Variants in RBFOX1 observed in about 807,000 individuals in gnomAD.
RBFOX1 encodes the protein RNA binding protein fox-1 homolog 1.
RBFOX1 carries 8 observed loss-of-function variants against 57.7 expected under a neutral mutation model. The observed-to-expected ratio is 0.14, with a 90% confidence interval of 0.08 to 0.25. The LOEUF is 0.25. RBFOX1 is among the 10% of genes least tolerant of loss of function. The probability of loss-of-function intolerance (pLI) is 1.00; values close to 1 mark genes in which losing one functional copy is unlikely to be tolerated. For synonymous variants in RBFOX1, 326 were observed against 222.4 expected, an observed-to-expected ratio of 1.47 and a Z score of -4.15; for missense variants, 611 against 548.5, an observed-to-expected ratio of 1.11 and a Z score of -1.14.
At chr16:6,250,920 T>C (rs1371281170) in intron 1 of RBFOX1, among the ~76,000 whole-genome samples, 1 of 152,122 alleles carries the variant, frequency 6.6e-6, no homozygotes, top group South Asian at 2.1e-4. Context: ...CTTCCATTAG[T>C]GTAGATAATT....
intron 4 of RBFOX1, among the ~76,000 whole-genome samples, chr16:7,386,151 C>G (rs1237633322): frequency 6.6e-6 from 1 of 151,918 alleles, no homozygotes; most frequent in Non-Finnish European, 1.5e-5. Flanking sequence ...TTTGAGATCC[C>G]AACAGCCTCA....
intron 4 of RBFOX1, among the ~76,000 whole-genome samples, chr16:7,237,563 C>G (rs1039457425): frequency 6.6e-6 from 1 of 152,174 alleles, no homozygotes; most frequent in East Asian, 1.9e-4. Flanking sequence ...TAGATTTGGA[C>G]CAACTGGCTT....
At chr16:5,941,082 C>G (rs561424680) in intron 4 of RBFOX1, among the ~76,000 whole-genome samples, 2 of 152,170 alleles carry the variant, frequency 1.3e-5, no homozygotes, top group African/African-American at 4.8e-5. Flanking sequence ...AACACATTGC[C>G]TGGGATACAC....
At chr16:7,396,674 T>G (rs1002747009) in intron 4 of RBFOX1, among the ~76,000 whole-genome samples, 2 of 152,200 alleles carry the variant, frequency 1.3e-5, no homozygotes, top group Non-Finnish European at 2.9e-5. Context: ...GAGTGGTGAC[T>G]TACACCTGTA....
At chr16:7,321,902 T>C (rs1490001935) in intron 4 of RBFOX1, among the ~76,000 whole-genome samples, 2 of 152,132 alleles carry the variant, frequency 1.3e-5, no homozygotes, top group Non-Finnish European at 2.9e-5. Context: ...AGAGAGACCA[T>C]CTTGCAGCAG....
At chr16:6,164,159 C>G (rs2096899144) in intron 1 of RBFOX1, among the ~76,000 whole-genome samples, 1 of 152,134 alleles carries the variant, frequency 6.6e-6, no homozygotes, top group African/African-American at 2.4e-5. Context: ...TAATCATCAT[C>G]CAAAGACTAC....
chr16:6,990,993 T>C (rs1039308431), intron 3 of RBFOX1, among the ~76,000 whole-genome samples: 1 of 151,992 alleles, frequency 6.6e-6, no homozygotes, highest in Non-Finnish European at 1.5e-5. Flanking sequence ...GATATTCTAA[T>C]TTACTACATC....
chr16:5,531,686 G>T (rs1437409499), intron 2 of RBFOX1, among the ~76,000 whole-genome samples: 1 of 152,096 alleles, frequency 6.6e-6, no homozygotes, highest in African/African-American at 2.4e-5. Flanking sequence ...TGTGTTTAAG[G>T]TACTCAAAGC....
intron 2 of RBFOX1, among the ~76,000 whole-genome samples, chr16:6,342,797 AC>A: frequency 6.6e-6 from 1 of 152,094 alleles, no homozygotes; most frequent in Non-Finnish European, 1.5e-5. Flanking sequence ...GTTATATGCC[AC>A]TCACAAGCTC....
At chr16:7,098,712 A>C (rs1029577169) in intron 4 of RBFOX1, among the ~76,000 whole-genome samples, 1 of 152,052 alleles carries the variant, frequency 6.6e-6, no homozygotes, top group East Asian at 1.9e-4. Context: ...CAGTTTTGGA[A>C]ACTGAGGCAG....
At chr16:6,985,748 T>C (rs1404286197) in intron 3 of RBFOX1, among the ~76,000 whole-genome samples, 1 of 146,504 alleles carries the variant, frequency 6.8e-6, no homozygotes, top group Non-Finnish European at 1.5e-5. Context: ...GCATAAGAAT[T>C]GCTTGAACCC....
intron 3 of RBFOX1, among the ~76,000 whole-genome samples, chr16:6,998,013 G>C (rs1285059400): frequency 1.3e-5 from 2 of 151,764 alleles, no homozygotes; most frequent in Non-Finnish European, 2.9e-5. Flanking sequence ...TAAAATTGAA[G>C]GTAAATGCCG....
intron 2 of RBFOX1, among the ~76,000 whole-genome samples, chr16:5,548,341 A>G (rs1222679801): frequency 6.6e-6 from 1 of 151,408 alleles, no homozygotes; most frequent in East Asian, 1.9e-4. Flanking sequence ...AATATACTTG[A>G]GTAACAAACC....
intron 2 of RBFOX1, among the ~76,000 whole-genome samples, chr16:6,400,119 T>G (rs2093008956): frequency 6.6e-6 from 1 of 152,208 alleles, no homozygotes; most frequent in African/African-American, 2.4e-5. Context: ...CCTATGACAT[T>G]TATAGAATAA....
chr16:6,712,601 A>G (rs2063920328), intron 3 of RBFOX1, among the ~76,000 whole-genome samples: 1 of 152,184 alleles, frequency 6.6e-6, no homozygotes, highest in Non-Finnish European at 1.5e-5. Flanking sequence ...AGATAATATA[A>G]TTTAATCATT....
At chr16:5,449,284 G>C (rs891633741) in intron 1 of RBFOX1, among the ~76,000 whole-genome samples, 1 of 152,138 alleles carries the variant, frequency 6.6e-6, no homozygotes, top group Non-Finnish European at 1.5e-5. Flanking sequence ...TTTCCCTAAT[G>C]ACGCCTACTT....
chr16:5,329,572 G>A (rs1056203319), intron 1 of RBFOX1, among the ~76,000 whole-genome samples: 12 of 152,278 alleles, frequency 7.9e-5, no homozygotes, highest in Admixed American at 1.3e-4. Flanking sequence ...ACTGAGGTCC[G>A]AAAAACTTAC....
intron 4 of RBFOX1, among the ~76,000 whole-genome samples, chr16:5,943,033 G>T (rs1449628389): frequency 1.3e-5 from 2 of 152,168 alleles, no homozygotes; most frequent in East Asian, 3.9e-4. Flanking sequence ...AGTATGGGGG[G>T]CCATGACCCC....
At chr16:7,304,373 G>A in intron 4 of RBFOX1, 6 of 985,386 alleles carry the variant, frequency 6.1e-6, no homozygotes, top group East Asian at 1.1e-4. Context: ...CTCGGCGGGC[G>A]CCAGAGAGAC....
Sources: gnomAD v4.1 joint callset for allele counts (sites outside exome capture counted in the v4.1 genomes callset) on GRCh38, gnomAD v4.1.1 for gene constraint, MANE v1.5 for transcripts, NCBI Gene and HGNC (gene_info 2026-07-23, HGNC 2026-07-21) for gene names.